MLIP: variants seen among roughly 807,000 people sequenced by gnomAD.
MLIP encodes the protein muscular LMNA interacting protein.
MLIP carries 79 observed loss-of-function variants against 84.8 expected under a neutral mutation model. The observed-to-expected ratio is 0.93, with a 90% confidence interval of 0.78 to 1.12. The LOEUF is 1.12. Ranked by LOEUF, MLIP falls within the 50% of genes most tolerant of loss-of-function variation. The pLI is 0.00. For missense variants in MLIP, 1,257 were observed against 1,160.6 expected, an observed-to-expected ratio of 1.08 and a Z score of -1.21; for synonymous variants, 504 against 463.0, an observed-to-expected ratio of 1.09 and a Z score of -1.14.
intron 11 of MLIP, among the ~76,000 whole-genome samples, chr6:54,212,122 C>A (rs1440958423): frequency 4.6e-5 from 7 of 152,166 alleles, no homozygotes; most frequent in African/African-American, 1.7e-4. Context: ...AAAATTATGG[C>A]TTTTCACATT....
intron 10 of MLIP, among the ~76,000 whole-genome samples, chr6:54,190,836 G>C (rs1452801678): frequency 4.0e-5 from 6 of 149,518 alleles, no homozygotes; most frequent in Admixed American, 1.3e-4. Flanking sequence ...CGCTCTGTCG[G>C]CGAGGCTAGA....
At chr6:54,211,262 G>C (rs1451402957) in intron 11 of MLIP, among the ~76,000 whole-genome samples, 1 of 152,104 alleles carries the variant, frequency 6.6e-6, no homozygotes, top group Non-Finnish European at 1.5e-5. Context: ...AATAAGGTTG[G>C]GAGGTTTAGC....
chr6:54,204,220 C>T (rs1484092740), intron 11 of MLIP, among the ~76,000 whole-genome samples: 1 of 151,650 alleles, frequency 6.6e-6, no homozygotes, highest in Non-Finnish European at 1.5e-5. Flanking sequence ...AATTATAGAC[C>T]TCAAATTAAA....
At chr6:54,108,898 C>T (rs962451464), upstream of MLIP, among the ~76,000 whole-genome samples, 1 of 151,892 alleles carries the variant, frequency 6.6e-6, no homozygotes, top group African/African-American at 2.4e-5. Flanking sequence ...TTGAATCCAC[C>T]TGGAATAAAC....
intron 3 of MLIP, among the ~76,000 whole-genome samples, chr6:54,135,675 TA>T (rs1771733245): frequency 6.6e-6 from 1 of 152,150 alleles, no homozygotes; most frequent in South Asian, 2.1e-4. Flanking sequence ...TGATATTCCC[TA>T]AATTCTTTAT....
At chr6:54,156,828 G>C (rs547623947) in intron 5 of MLIP, among the ~76,000 whole-genome samples, 88 of 152,118 alleles carry the variant, frequency 5.8e-4, no homozygotes, top group African/African-American at 2.0e-3. Flanking sequence ...AGTCTAATAG[G>C]ACAAATAGTC....
intron 9 of MLIP, among the ~76,000 whole-genome samples, chr6:54,188,028 T>C (rs1270677441): frequency 1.3e-5 from 2 of 152,148 alleles, no homozygotes; most frequent in East Asian, 3.9e-4. Flanking sequence ...TGTATATACA[T>C]TAACCTAGTT....
intron 1 of MLIP, among the ~76,000 whole-genome samples, chr6:54,106,291 A>G (rs745734765): frequency 6.6e-6 from 1 of 152,116 alleles, no homozygotes; most frequent in Non-Finnish European, 1.5e-5. Context: ...GACTTTGGGC[A>G]AGAAGTTTTT....
chr6:54,062,432 C>T (rs1007444086), intron 1 of MLIP, among the ~76,000 whole-genome samples: 1 of 152,170 alleles, frequency 6.6e-6, no homozygotes, highest in Non-Finnish European at 1.5e-5. Flanking sequence ...AGTATCCTCT[C>T]CACAGACTAT....
rs141204810 is a variant in MLIP at position 54,165,484 on chromosome 6, G to A, written c.2500-4044G>A. ...ACCTCTTTACAACCCTCAGATTTTA[G>A]CCCCTCAGTTCACCCCATTGATCTC... On this transcript the variant is annotated intron_variant, in intron 8 of 13. Transcript: ENST00000502396. 5.9e-4 allele frequency among the ~76,000 whole-genome samples: 89 copies of A among 151,962 alleles called. 1 individual carries two copies. The highest frequency in any genetic ancestry group is 2.0e-3 in the African/African-American group (83 of 41,496).
At chr6:54,180,643 T>C (rs1776758963) in intron 9 of MLIP, among the ~76,000 whole-genome samples, 1 of 152,240 alleles carries the variant, frequency 6.6e-6, no homozygotes, top group Admixed American at 6.5e-5. Flanking sequence ...TTCTGCAGTA[T>C]GCCAATTGCA....
At chr6:54,148,941 T>A (rs539625231) in intron 4 of MLIP, 115 bp from the exon 5 acceptor site, 1 of 775,774 alleles carries the variant, frequency 1.3e-6, no homozygotes, top group Admixed American at 2.5e-5. Context: ...TTCAGCATAA[T>A]AACCCTTTTC....
At chr6:54,133,497 G>A (rs1167629892) in intron 3 of MLIP, among the ~76,000 whole-genome samples, 1 of 152,134 alleles carries the variant, frequency 6.6e-6, no homozygotes, top group South Asian at 2.1e-4. Context: ...AACTATATAC[G>A]ATCCACATCT....
At position 54,066,855 on chromosome 6, in the gene MLIP, A is replaced by G. The variant is rs1189055159; in HGVS notation, c.63+47764A>G. Among the ~76,000 whole-genome samples the G allele has an allele frequency of 4.0e-5, 4 of 99,216 alleles. 1 individual carries two copies. The highest frequency in any genetic ancestry group is 3.8e-4 in the Admixed American group (4 of 10,530). 65.1% of individuals were successfully genotyped at this position (99,216 alleles called of 152,430 possible). A position where few individuals can be genotyped will look rare whatever the true frequency, so the allele number is the denominator to read the frequency against. ...ACACATGACCACAAATCAATGAAATACTAACTAGGAAGTGATGTTTTATCC... is the reference window on the plus strand; with the variant it reads ...ACACATGACCACAAATCAATGAAATGCTAACTAGGAAGTGATGTTTTATCC... On this transcript the variant is annotated intron_variant, in intron 1 of 12. Coordinates refer to the MLIP transcript ENST00000274897.
chr6:54,109,114 A>G (rs887046813), upstream of MLIP, among the ~76,000 whole-genome samples: 1 of 150,488 alleles, frequency 6.6e-6, no homozygotes, highest in African/African-American at 2.4e-5. Flanking sequence ...ATACATATAT[A>G]TTTACATACA....
intron 1 of MLIP, among the ~76,000 whole-genome samples, chr6:54,093,923 CA>C (rs1182603753): frequency 6.6e-6 from 1 of 152,152 alleles, no homozygotes; most frequent in Non-Finnish European, 1.5e-5. Context: ...AAGAGTTTGC[CA>C]ACTTCTGGGA....
At chr6:54,218,923 G>A (rs1284055285) in intron 11 of MLIP, among the ~76,000 whole-genome samples, 3 of 151,662 alleles carry the variant, frequency 2.0e-5, no homozygotes, top group Non-Finnish European at 4.4e-5. Context: ...GCAAACACAG[G>A]CCAGGTGCAG....
At chr6:54,121,270 A>T (rs1051696536) in intron 1 of MLIP, among the ~76,000 whole-genome samples, 177 bp from the exon 2 acceptor site, 8 of 152,222 alleles carry the variant, frequency 5.3e-5, no homozygotes, top group Non-Finnish European at 7.3e-5. Context: ...ATCATAAAAA[A>T]GGTTCTGATT....
Position 54,124,630 on chromosome 6 carries a change from A to C in MLIP, c.410A>C (p.Lys137Thr), listed in dbSNP as rs1378938915. 11 of 1,614,082 alleles carry C rather than the reference A, an allele frequency of 6.8e-6. No homozygotes were observed. Among genetic ancestry groups the C allele is most frequent in the Non-Finnish European group, 9.3e-6 (11 of 1,180,030 alleles). The change falls in exon 3 of 14, where the codon AAA becomes ACA. Residue 137 changes from lysine to threonine, a missense_variant. Transcript: ENST00000502396. Reference sequence around the variant, plus strand: ...GGGATGCAGCAAAGTGACCTCTTCAAAGCTGAATATGTCCTTATTGTGGAC... The same window carrying C: ...GGGATGCAGCAAAGTGACCTCTTCACAGCTGAATATGTCCTTATTGTGGAC... ...LQGMQQSDLFKAEYVLIVDSE... is the reference protein window; with the variant it reads ...LQGMQQSDLFTAEYVLIVDSE...
Sources: allele counts gnomAD v4.1 joint callset (sites outside exome capture counted in the v4.1 genomes callset), GRCh38; gene constraint gnomAD v4.1.1; transcripts MANE v1.5; gene names NCBI Gene and HGNC (gene_info 2026-07-23, HGNC 2026-07-21).